SERPINB10: variants seen among roughly 807,000 people sequenced by gnomAD.
SERPINB10 encodes serpin family B member 10, also known as serpin B10.
In SERPINB10, 35 loss-of-function variants were observed where a neutral mutation model predicts 39.1. The ratio of observed to expected loss-of-function variants is 0.90; its 90% CI spans 0.68 to 1.19. The LOEUF is 1.19. SERPINB10 is among the 50% of genes most tolerant of loss of function. The pLI, the probability that SERPINB10 is intolerant of heterozygous loss-of-function variation, is 0.00. For missense variants in SERPINB10, 546 were observed against 460.5 expected, an observed-to-expected ratio of 1.19 and a Z score of -1.70; for synonymous variants, 190 against 158.1, an observed-to-expected ratio of 1.20 and a Z score of -1.52.
chr18:63,919,685 G>T, intron 4 of SERPINB10, 103 bp from the exon 5 acceptor site: 1 of 712,204 alleles, frequency 1.4e-6, no homozygotes. Flanking sequence ...GTGTGGGAGT[G>T]TGCAATTGCC....
chr18:63,917,984 C>A lies in SERPINB10; in HGVS notation c.254C>A (p.Ser85Ter). The stretch of plus-strand genomic sequence containing the variant: ...TTAAAGGAATTCAACTTGAGCAACT[C>A]GGAAGAAATACACTCTGATTTCCAA... ...KRKMEFNLSN[S>*]EEIHSDFQTL... is the part of the protein sequence containing the mutation. Residue 85 changes from serine (S) to a stop codon, truncating the protein, a stop_gained, in exon 4 of 8, where the codon TCG (serine) becomes TAG (stop). Coordinates refer to ENST00000238508, the MANE Select transcript of SERPINB10 (RefSeq NM_005024.3). LOFTEE classifies it high-confidence loss of function. 1 of 1,611,788 alleles carries A rather than the reference C, an allele frequency of 6.2e-7. No homozygotes were observed. Among genetic ancestry groups the A allele is most frequent in the Non-Finnish European group, 8.5e-7 (1 of 1,178,656 alleles).
Position 63,914,239 on chromosome 18 carries a change from A to C in SERPINB10, c.-9-1263A>C, listed in dbSNP as rs183660712. ...TCCAACTTGCCACTCTGTGCTTTTT[A>C]AATATGGTGTTTAGCCCATTTACAT... On this transcript the variant is annotated intron_variant, in intron 1 of 7. Coordinates refer to ENST00000238508, the MANE Select transcript of SERPINB10 (RefSeq NM_005024.3). Among the ~76,000 whole-genome samples the C allele has an allele frequency of 3.3e-5, 5 of 152,200 alleles. No homozygotes were observed. In the East Asian group the frequency reaches 9.7e-4, roughly 30 times the overall value.
chr18:63,935,520 C>A lies in SERPINB10; in HGVS notation c.*278C>A. 3.2e-6 allele frequency: 1 copy of A among 316,142 alleles called. No homozygotes were observed. Among genetic ancestry groups the A allele is most frequent in the Non-Finnish European group, 5.8e-6 (1 of 173,752 alleles). The allele number at this position is 316,142 out of a possible 1,614,324, so 19.6% of individuals were successfully genotyped here. On this transcript the variant is annotated 3_prime_UTR_variant, in exon 8 of 8. Transcript: ENST00000238508. ...CTATGCTATTCAACTGAATGCCTTA[C>A]AATTCTTGATCACTTGCAATATCCA... is the stretch of plus-strand genomic sequence containing the variant.
At chr18:63,910,623 AT>A (rs1330770353) in intron 1 of SERPINB10, among the ~76,000 whole-genome samples, 1 of 152,034 alleles carries the variant, frequency 6.6e-6, no homozygotes, top group Non-Finnish European at 1.5e-5. Context: ...AGCAAGAGAC[AT>A]GATTTAATTC....
At position 63,935,450 on chromosome 18, in the gene SERPINB10, G is replaced by A. The variant is rs553748258; in HGVS notation, c.*208G>A. ...GAATGACGATTTTTATTTTTAACAC[G>A]TTAACATTTTGTCTAATGTGACTTT... is the stretch of plus-strand genomic sequence containing the variant. On this transcript the variant is annotated 3_prime_UTR_variant, in exon 8 of 8. Coordinates refer to ENST00000238508, the MANE Select transcript of SERPINB10 (RefSeq NM_005024.3). 8.2e-6 allele frequency: 4 copies of A among 489,868 alleles called. No individual in the cohort carries two copies. The highest frequency in any genetic ancestry group is 7.6e-5 in the Admixed American group (2 of 26,296). The allele number at this position is 489,868 out of a possible 1,614,324, so 30.3% of individuals were successfully genotyped here.
At chr18:63,918,934 C>G (rs2050125206) in intron 4 of SERPINB10, among the ~76,000 whole-genome samples, 1 of 151,492 alleles carries the variant, frequency 6.6e-6, no homozygotes, top group Non-Finnish European at 1.5e-5. Flanking sequence ...GTCCACAAGC[C>G]CTGAATTAAG....
At chr18:63,914,734 C>T (rs1267288805) in intron 1 of SERPINB10, among the ~76,000 whole-genome samples, 4 of 151,878 alleles carry the variant, frequency 2.6e-5, no homozygotes, top group Non-Finnish European at 5.9e-5. Context: ...TGGTGGTGCA[C>T]ATTTGCTGTG....
chr18:63,920,850 C>T (rs1215855884), intron 5 of SERPINB10, among the ~76,000 whole-genome samples: 1 of 151,902 alleles, frequency 6.6e-6, no homozygotes, highest in Non-Finnish European at 1.5e-5. Flanking sequence ...GCTGGGTTGC[C>T]ATTTGTCACC....
intron 1 of SERPINB10, among the ~76,000 whole-genome samples, chr18:63,915,152 G>T (rs1410909235): frequency 1.3e-5 from 2 of 152,094 alleles, no homozygotes; most frequent in Non-Finnish European, 2.9e-5. Context: ...ATAAGCTTAT[G>T]CTGGAGTTGG....
At chr18:63,927,112 A>G (rs1048824174) in intron 5 of SERPINB10, among the ~76,000 whole-genome samples, 2 of 151,508 alleles carry the variant, frequency 1.3e-5, no homozygotes, top group Non-Finnish European at 2.9e-5. Context: ...TTTTTGCTTT[A>G]CTTAGTATTT....
chr18:63,931,889 T>C (rs150347764), intron 6 of SERPINB10, among the ~76,000 whole-genome samples: 1 of 152,348 alleles, frequency 6.6e-6, no homozygotes, highest in East Asian at 1.9e-4. Context: ...TTCACTGCCC[T>C]AAAAGTGCCC....
At chr18:63,913,497 C>A (rs766161253) in intron 1 of SERPINB10, among the ~76,000 whole-genome samples, 6 of 151,586 alleles carry the variant, frequency 4.0e-5, no homozygotes, top group African/African-American at 1.5e-4. Context: ...ATTTCAAAGA[C>A]GTTGATTTCT....
At chr18:63,926,084 T>G (rs2050179466) in intron 5 of SERPINB10, among the ~76,000 whole-genome samples, 1 of 152,026 alleles carries the variant, frequency 6.6e-6, no homozygotes, top group South Asian at 2.1e-4. Context: ...ATGTATTCTC[T>G]CACAGTTTTG....
At chr18:63,926,656 T>C (rs371327108) in intron 5 of SERPINB10, among the ~76,000 whole-genome samples, 50 of 152,010 alleles carry the variant, frequency 3.3e-4, no homozygotes, top group African/African-American at 1.0e-3. Flanking sequence ...TGAAAGACAA[T>C]GAATGAGTGA....
At chr18:63,926,005 G>A (rs2050178933) in intron 5 of SERPINB10, among the ~76,000 whole-genome samples, 1 of 152,006 alleles carries the variant, frequency 6.6e-6, no homozygotes, top group Non-Finnish European at 1.5e-5. Flanking sequence ...CATGACTTTG[G>A]TGGTTGTATT....
At chr18:63,921,294 T>C (rs1289460358) in intron 5 of SERPINB10, among the ~76,000 whole-genome samples, 1 of 151,932 alleles carries the variant, frequency 6.6e-6, no homozygotes, top group Non-Finnish European at 1.5e-5. Flanking sequence ...AACAAACACC[T>C]GCTAGACATA....
intron 7 of SERPINB10, among the ~76,000 whole-genome samples, chr18:63,934,007 A>G (rs1196476361): frequency 6.6e-6 from 1 of 152,232 alleles, no homozygotes; most frequent in Non-Finnish European, 1.5e-5. Flanking sequence ...CAGTGTGGAC[A>G]AATAACCATC....
At chr18:63,929,437 T>A (rs2050203731) in intron 5 of SERPINB10, among the ~76,000 whole-genome samples, 2 of 151,144 alleles carry the variant, frequency 1.3e-5, no homozygotes, top group Non-Finnish European at 3.0e-5. Context: ...ACTCTAAGAG[T>A]AGAGGAGGGG....
intron 5 of SERPINB10, among the ~76,000 whole-genome samples, chr18:63,926,245 C>T (rs946953307): frequency 1.3e-5 from 2 of 151,904 alleles, no homozygotes; most frequent in African/African-American, 4.8e-5. Context: ...CCAATCTTTG[C>T]CTGCATTGGT....
Sources: gnomAD v4.1 joint callset for allele counts (sites outside exome capture counted in the v4.1 genomes callset) on GRCh38, gnomAD v4.1.1 for gene constraint, MANE v1.5 for transcripts, NCBI Gene and HGNC (gene_info 2026-07-23, HGNC 2026-07-21) for gene names.